The following CRIM1 variants were observed in gnomAD, a reference collection of about 807,000 sequenced individuals.
The protein encoded by CRIM1 is cysteine rich transmembrane BMP regulator 1, also known as cysteine-rich motor neuron 1 protein.
A neutral mutation model predicts 116.4 loss-of-function variants in CRIM1; 32 were observed. That is an observed-to-expected ratio of 0.27 (90% CI 0.21 to 0.37). CRIM1 has a LOEUF of 0.37. Ranked by LOEUF, CRIM1 falls within the 10% of genes least tolerant of loss-of-function variation. The pLI, the probability that CRIM1 is intolerant of heterozygous loss-of-function variation, is 1.00. For missense variants in CRIM1, 1,331 were observed against 1,354.8 expected (o/e 0.98, Z 0.28); for synonymous variants, 590 against 509.2 (o/e 1.16, Z -2.13).
At chr2:36,511,495 A>G (rs1664676346) in intron 9 of CRIM1, among the ~76,000 whole-genome samples, 1 of 152,354 alleles carries the variant, frequency 6.6e-6, no homozygotes, top group Middle Eastern at 3.4e-3. Context: ...CTCATATAAA[A>G]TGAAGTAGTT....
intron 13 of CRIM1, among the ~76,000 whole-genome samples, chr2:36,525,215 T>C (rs1180628033): frequency 1.3e-5 from 2 of 152,236 alleles, no homozygotes; most frequent in African/African-American, 4.8e-5. Flanking sequence ...GTCTGCATCA[T>C]ATTTACTTTG....
chr2:36,499,713 A>G (rs367929452), intron 8 of CRIM1, among the ~76,000 whole-genome samples: 3 of 152,186 alleles, frequency 2.0e-5, no homozygotes, highest in Non-Finnish European at 4.4e-5. Flanking sequence ...TATGACAGCC[A>G]TAATCCTTAG....
intron 1 of CRIM1, among the ~76,000 whole-genome samples, chr2:36,363,537 C>A (rs982332126): frequency 2.1e-5 from 3 of 143,192 alleles, no homozygotes; most frequent in East Asian, 2.0e-4. Context: ...CCGCCCCCCC[C>A]CCCCATGACT....
At chr2:36,451,457 T>TA (rs1676718257) in intron 4 of CRIM1, among the ~76,000 whole-genome samples, 1 of 152,184 alleles carries the variant, frequency 6.6e-6, no homozygotes, top group Admixed American at 6.5e-5. Context: ...CACATATACA[T>TA]ATGGAACAAC....
rs112048050 is a variant in CRIM1 at position 36,544,181 on chromosome 2, T to C, written c.2624-195T>C. 1.0e-2 allele frequency among the ~76,000 whole-genome samples: 1,520 copies of C among 152,310 alleles called. 34 individuals are homozygous for C. The highest frequency in any genetic ancestry group is 0.034 in the African/African-American group (1,429 of 41,562). ...GAATTCTTTCATCTTTTAAATGTTA[T>C]AAGACATGTTTCTCCTCACTGCAAA... On this transcript the variant is annotated intron_variant, in intron 14 of 16. Coordinates refer to ENST00000280527, the MANE Select transcript of CRIM1 (RefSeq NM_016441.3).
At chr2:36,539,198 G>C (rs1347960397) in intron 14 of CRIM1, among the ~76,000 whole-genome samples, 1 of 152,128 alleles carries the variant, frequency 6.6e-6, no homozygotes, top group Non-Finnish European at 1.5e-5. Flanking sequence ...TGGTCAGGGA[G>C]CACCTTACCA....
chr2:36,377,900 T>G (rs1251681578), intron 1 of CRIM1, among the ~76,000 whole-genome samples: 1 of 152,226 alleles, frequency 6.6e-6, no homozygotes, highest in Admixed American at 6.5e-5. Flanking sequence ...TGTTGATAAC[T>G]GGGTGCCTAT....
chr2:36,369,846 T>A (rs887944302), intron 1 of CRIM1, among the ~76,000 whole-genome samples: 8 of 152,178 alleles, frequency 5.3e-5, no homozygotes, highest in African/African-American at 1.7e-4. Context: ...ATTCCTTCTT[T>A]GAATGTGTAG....
intron 12 of CRIM1, among the ~76,000 whole-genome samples, chr2:36,518,419 C>CT (rs576984436): frequency 2.0e-5 from 3 of 151,900 alleles, no homozygotes; most frequent in East Asian, 3.9e-4. Context: ...TTTATTACTT[C>CT]TTTTTTTTAA....
At chr2:36,528,639 G>T (rs1465718019) in intron 13 of CRIM1, among the ~76,000 whole-genome samples, 2 of 152,148 alleles carry the variant, frequency 1.3e-5, no homozygotes, top group African/African-American at 2.4e-5. Context: ...CTTCAGTGCT[G>T]TCAGTTACTG....
At chr2:36,430,412 A>G (rs548617808) in intron 2 of CRIM1, among the ~76,000 whole-genome samples, 2 of 152,356 alleles carry the variant, frequency 1.3e-5, no homozygotes, top group East Asian at 3.9e-4. Flanking sequence ...TTGGAGTACT[A>G]TAATTATCAT....
intron 5 of CRIM1, among the ~76,000 whole-genome samples, chr2:36,470,276 G>A (rs762927246): frequency 6.6e-6 from 1 of 152,196 alleles, no homozygotes; most frequent in Non-Finnish European, 1.5e-5. Context: ...GGGACAAGCT[G>A]CATGTCGAAG....
rs1572536744 is a variant in CRIM1, at chr2:36,356,022, T to A, written c.-271T>A. On this transcript the variant is annotated 5_prime_UTR_variant, in exon 1 of 17. Coordinates refer to ENST00000280527, the MANE Select transcript of CRIM1 (RefSeq NM_016441.3). This position sits in a 1 kb window ranked among gnomAD's most constrained non-coding sequence, Gnocchi z 4.3. ...GAGCTGCCGGGAGGAAACTTTTTTC[T>A]TTTTTCCCCCTCCCTCCCGGGAGGA... 6.6e-6 allele frequency: 1 copy of A among 151,678 alleles called. No individual in the cohort carries two copies. The highest frequency in any genetic ancestry group is 1.5e-5 in the Non-Finnish European group (1 of 68,454). The allele number at this position is 151,678 out of a possible 1,614,324, so 9.4% of individuals were successfully genotyped here.
intron 2 of CRIM1, among the ~76,000 whole-genome samples, chr2:36,434,679 A>C (rs1294238205): frequency 6.6e-6 from 1 of 152,194 alleles, no homozygotes; most frequent in African/African-American, 2.4e-5. Context: ...ATGAGAATTT[A>C]ATGCTTAATA....
At position 36,537,388 on chromosome 2, in the gene CRIM1, G is replaced by A; in HGVS notation, c.2465G>A (p.Ser822Asn). The A allele has an allele frequency of 6.2e-7, 1 of 1,614,236 alleles. No homozygotes were observed. The highest frequency in any genetic ancestry group is 8.5e-7 in the Non-Finnish European group (1 of 1,180,050). ...TIPKKVVCHFSGKAYADEERW... is the reference protein window; with the variant it reads ...TIPKKVVCHFNGKAYADEERW... ...CCAAAGAAGGTGGTGTGCCACTTCA[G>A]TGGGAAGGCCTATGCCGACGAGGAG... The change falls in exon 14 of 17, where the codon AGT becomes AAT. Residue 822 changes from serine to asparagine, a missense_variant. Coordinates refer to ENST00000280527, the MANE Select transcript of CRIM1 (RefSeq NM_016441.3).
intron 12 of CRIM1, among the ~76,000 whole-genome samples, chr2:36,518,510 A>G (rs1665172568): frequency 1.3e-5 from 2 of 152,094 alleles, no homozygotes; most frequent in African/African-American, 4.8e-5. Flanking sequence ...ATTTTTTATA[A>G]GTTTATGTTG....
rs148742611 is a variant in CRIM1 at position 36,441,424 on chromosome 2, G to A, written c.672G>A (p.Pro224=). The A allele has an allele frequency of 2.5e-4, 399 of 1,614,068 alleles. 1 individual carries two copies. The African/African-American group carries it at 4.2e-3, about 17-fold the overall frequency. Residue 224 remains proline, a synonymous_variant, in exon 3 of 17, where the codon CCG becomes CCA. Transcript: ENST00000280527. Reference sequence around the variant, plus strand: ...GCTGTCTGCGCAAAGTCTGCCAGCCGGGAAACCTGAACATACTAGTGTCAA... The same window carrying A: ...GCTGTCTGCGCAAAGTCTGCCAGCCAGGAAACCTGAACATACTAGTGTCAA... The part of the protein sequence containing the change: ...PAGCLRKVCQ[P]GNLNILVSKA...
intron 5 of CRIM1, among the ~76,000 whole-genome samples, chr2:36,468,979 A>G (rs1213543017): frequency 6.6e-6 from 1 of 152,242 alleles, no homozygotes; most frequent in East Asian, 1.9e-4. Flanking sequence ...CCAAGTGAGT[A>G]AATGAATTAG....
chr2:36,429,588 C>T (rs577687369), intron 2 of CRIM1, among the ~76,000 whole-genome samples: 57 of 152,256 alleles, frequency 3.7e-4, no homozygotes, highest in African/African-American at 1.3e-3. Flanking sequence ...GAGACCAGCA[C>T]ACAGAAAGAG....
Sources: gnomAD v4.1 joint callset for allele counts (sites outside exome capture counted in the v4.1 genomes callset) on GRCh38, gnomAD v4.1.1 for gene constraint, Gnocchi (gnomAD v3.1) non-coding constraint, MANE v1.5 for transcripts, NCBI Gene and HGNC (gene_info 2026-07-23, HGNC 2026-07-21) for gene names.